Variants in CACNA1H observed in about 807,000 individuals in gnomAD.
CACNA1H encodes the protein voltage-dependent T-type calcium channel subunit alpha-1H.
In CACNA1H, 149 loss-of-function variants were observed where a neutral mutation model predicts 192.5. The ratio of observed to expected loss-of-function variants is 0.77; its 90% CI spans 0.68 to 0.89. The LOEUF (loss-of-function observed/expected upper bound fraction) is 0.89. Ranked by LOEUF, CACNA1H falls within the 40% of genes least tolerant of loss-of-function variation. The pLI, the probability that CACNA1H is intolerant of heterozygous loss-of-function variation, is 0.00. For synonymous variants in CACNA1H, 2,202 were observed against 1,475.2 expected, an observed-to-expected ratio of 1.49 and a Z score of -11.29; for missense variants, 4,257 against 3,423.5, an observed-to-expected ratio of 1.24 and a Z score of -6.08.
chr16:1,206,716 C>G, intron 12 of CACNA1H: 1 of 469,954 alleles, frequency 2.1e-6, no homozygotes, highest in Non-Finnish European at 3.8e-6. Context: ...GGCAGGTGTC[C>G]CAGGTTCCAG....
chr16:1,221,411 G>A lies in CACNA1H; in HGVS notation c.*417G>A, dbSNP rs969926064. The A allele has an allele frequency of 2.1e-4, 61 of 296,324 alleles. No homozygotes were observed. Among genetic ancestry groups the A allele is most frequent in the African/African-American group, 1.0e-3 (46 of 45,548 alleles). 18.4% of individuals were successfully genotyped at this position (296,324 alleles called of 1,614,324 possible). A position where few individuals can be genotyped will look rare whatever the true frequency, so the allele number is the denominator to read the frequency against. ...CCGGCGGCAGGTTGCAGCCACCGCG[G>A]CCCAATGTCACCTTCACTCACAGTC... is the stretch of plus-strand genomic sequence containing the variant. On this transcript the variant is annotated 3_prime_UTR_variant, in exon 35 of 35. Transcript: ENST00000348261.
rs768524941 is a variant in CACNA1H at position 1,211,161 on chromosome 16, C to A, written c.4224-7C>A. 6.2e-7 allele frequency: 1 copy of A among 1,612,456 alleles called. No homozygotes were observed. Among genetic ancestry groups the A allele is most frequent in the Non-Finnish European group, 8.5e-7 (1 of 1,179,634 alleles). The stretch of plus-strand genomic sequence containing the variant: ...ATGACTGCAGTGTATCCTTCACTCC[C>A]CTCCAGGGTCATCAGCCGGGCCCCG... On this transcript the variant is annotated splice_region_variant and splice_polypyrimidine_tract_variant and intron_variant, in intron 21 of 34. Coordinates refer to ENST00000348261, the MANE Select transcript of CACNA1H (RefSeq NM_021098.3).
intron 2 of CACNA1H, among the ~76,000 whole-genome samples, chr16:1,165,780 C>T (rs748336947): frequency 1.2e-4 from 18 of 152,212 alleles, no homozygotes; most frequent in Non-Finnish European, 1.8e-4. Context: ...GGCCACCTCA[C>T]GTTCCCCACC....
intron 31 of CACNA1H, 128 bp downstream of exon 31, chr16:1,217,138 G>A: frequency 2.6e-6 from 2 of 769,616 alleles, no homozygotes; most frequent in South Asian, 1.8e-5. Flanking sequence ...CACGCCTCCT[G>A]GGCGTCCTCA....
chr16:1,154,002 C>T lies in CACNA1H; in HGVS notation c.265C>T (p.Pro89Ser). 2 of 1,424,032 alleles carry T rather than the reference C, an allele frequency of 1.4e-6. No individual in the cohort carries two copies. The highest frequency in any genetic ancestry group is 1.4e-5 in the South Asian group (1 of 72,182). 88.2% of individuals were successfully genotyped at this position (1,424,032 alleles called of 1,614,324 possible). A position where few individuals can be genotyped will look rare whatever the true frequency, so the allele number is the denominator to read the frequency against. Residue 89 changes from proline to serine, a missense_variant, in exon 2 of 35, where the codon CCG (proline) becomes TCG (serine). Physicochemically the swap from Pro to Ser is moderately conservative, Grantham distance 74 (BLOSUM62 -1). Transcript: ENST00000348261. ...CTTCTGCCTCGGTCAGACCACGCGG[C>T]CGCGCAGCTGGTGCCTCCGGCTGGT... ...VFFCLGQTTR[P>S]RSWCLRLVCN... is the part of the protein sequence containing the mutation.
Position 1,195,997 on chromosome 16 carries a change from C to T in CACNA1H, c.617C>T (p.Pro206Leu), listed in dbSNP as rs1005279922. The change falls in exon 5 of 35, where the codon CCC becomes CTC. Residue 206 changes from proline to leucine, a missense_variant. Pro to Leu is a moderately conservative substitution (Grantham distance 98). Coordinates refer to ENST00000348261, the MANE Select transcript of CACNA1H (RefSeq NM_021098.3). Reference sequence around the variant, plus strand: ...ATCAGGACCGTGCGGGTGCTGCGGCCCCTCCGCGCCATCAACCGCGTGCCT... The same window carrying T: ...ATCAGGACCGTGCGGGTGCTGCGGCTCCTCCGCGCCATCAACCGCGTGCCT... ...SAIRTVRVLRPLRAINRVPSM... is the reference protein window; with the variant it reads ...SAIRTVRVLRLLRAINRVPSM... The T allele has an allele frequency of 1.2e-6, 2 of 1,612,964 alleles. No individual in the cohort carries two copies. Among genetic ancestry groups the T allele is most frequent in the Non-Finnish European group, 8.5e-7 (1 of 1,179,786 alleles).
chr16:1,172,468 G>A (rs1042912424), intron 2 of CACNA1H, among the ~76,000 whole-genome samples: 5 of 151,416 alleles, frequency 3.3e-5, no homozygotes, highest in Non-Finnish European at 7.4e-5. Context: ...GCCTCCGTCT[G>A]GGGTGGTCGT....
intron 25 of CACNA1H, 113 bp downstream of exon 25, chr16:1,212,251 C>T (rs1328253633): frequency 3.9e-5 from 55 of 1,414,874 alleles, no homozygotes; most frequent in Admixed American, 2.4e-4. Flanking sequence ...GCACGCCACC[C>T]GCCTTGCCTG....
intron 2 of CACNA1H, among the ~76,000 whole-genome samples, chr16:1,188,395 G>A (rs1299360777): frequency 6.6e-6 from 1 of 152,156 alleles, no homozygotes; most frequent in Non-Finnish European, 1.5e-5. Context: ...AGCACCTCAG[G>A]GCTCAGTCGG....
intron 18 of CACNA1H, 25 bp from the exon 19 acceptor site, chr16:1,210,345 C>CCCG: frequency 5.7e-6 from 6 of 1,058,304 alleles, no homozygotes; most frequent in Non-Finnish European, 8.3e-6. Context: ...CCCGCCCCAC[C>CCCG]TCTCACCCGC....
chr16:1,197,818 G>T lies in CACNA1H; in HGVS notation c.644-797G>T, dbSNP rs186943500. 2.0e-4 allele frequency among the ~76,000 whole-genome samples: 31 copies of T among 152,334 alleles called. 1 individual carries two copies. Among genetic ancestry groups the T allele is most frequent in the Admixed American group, 1.5e-3 (23 of 15,300 alleles). On this transcript the variant is annotated intron_variant, in intron 5 of 34. Transcript: ENST00000348261. ...GCCCAGGGCTTTACCTGCTGCCTTA[G>T]CCTGGCCCTTGATTAAATTTGAGGG...
At chr16:1,161,288 C>G (rs541202130) in intron 2 of CACNA1H, among the ~76,000 whole-genome samples, 1 of 152,206 alleles carries the variant, frequency 6.6e-6, no homozygotes, top group Non-Finnish European at 1.5e-5. Context: ...ACGCTGTCAA[C>G]TGAGCCGGTG....
intron 7 of CACNA1H, 33 bp downstream of exon 7, chr16:1,200,604 G>A (rs1177077276): frequency 1.9e-6 from 3 of 1,607,426 alleles, no homozygotes; most frequent in African/African-American, 2.7e-5. Context: ...GGGGACCCTG[G>A]GGCACGGCAG....
chr16:1,179,542 C>T (rs1002174125), intron 2 of CACNA1H, among the ~76,000 whole-genome samples: 6 of 152,168 alleles, frequency 3.9e-5, no homozygotes, highest in Non-Finnish European at 7.3e-5. Context: ...GATTCTCCTG[C>T]CTCAGCCTCC....
At chr16:1,153,539 C>CGGGGTG in intron 1 of CACNA1H, 69 bp downstream of exon 1, 1 of 189,800 alleles carries the variant, frequency 5.3e-6, no homozygotes, top group Non-Finnish European at 8.1e-6. Flanking sequence ...GGGAGCCCCT[C>CGGGGTG]GGGGTGGGGG....
In CACNA1H at chr16:1,212,536, C is replaced by T. The variant is rs769555195; in HGVS notation, c.4777+8C>T. 1 of 1,610,346 alleles carries T rather than the reference C, an allele frequency of 6.2e-7. No homozygotes were observed. Among genetic ancestry groups the T allele is most frequent in the Non-Finnish European group, 8.5e-7 (1 of 1,178,926 alleles). The stretch of plus-strand genomic sequence containing the variant: ...GCACTTTCCCCAGCCCAGGTACCGG[C>T]CCTGTCCCGCATGCCTCAGGCCCCG... On this transcript the variant is annotated splice_region_variant and intron_variant, in intron 26 of 34. Coordinates refer to ENST00000348261, the MANE Select transcript of CACNA1H (RefSeq NM_021098.3).
intron 11 of CACNA1H, 144 bp from the exon 12 acceptor site, chr16:1,205,960 C>G (rs940648782): frequency 1.3e-6 from 1 of 752,622 alleles, no homozygotes; most frequent in Non-Finnish European, 2.1e-6. Context: ...GTTCATGCAC[C>G]TTGATGCAGC....
rs959271264 is a variant in CACNA1H at position 1,212,223 on chromosome 16, G to A, written c.4759+85G>A. 4.0e-6 allele frequency: 6 copies of A among 1,486,034 alleles called. No individual in the cohort carries two copies. In the African/African-American group the frequency reaches 8.3e-5, roughly 21 times the overall value. 92.1% of individuals were successfully genotyped at this position (1,486,034 alleles called of 1,614,324 possible). On this transcript the variant is annotated intron_variant, in intron 25 of 34. Coordinates refer to ENST00000348261, the MANE Select transcript of CACNA1H (RefSeq NM_021098.3). ...CTCCAGCCCCTCCACTCCCGCCCCGGCCTCCCCGAATGGCTCTGCACGCCA... is the reference window on the plus strand; with the variant it reads ...CTCCAGCCCCTCCACTCCCGCCCCGACCTCCCCGAATGGCTCTGCACGCCA...
In CACNA1H at chr16:1,195,719, C is replaced by T. The variant is rs372122003; in HGVS notation, c.545+154C>T. Among the ~76,000 whole-genome samples, 14 of 152,260 alleles carry T rather than the reference C, an allele frequency of 9.2e-5. No homozygotes were observed. In the East Asian group the frequency reaches 1.5e-3, roughly 17 times the overall value. On this transcript the variant is annotated intron_variant, in intron 4 of 34. Coordinates refer to ENST00000348261, the MANE Select transcript of CACNA1H (RefSeq NM_021098.3). ...CCCTGTCTGGGACTCCGGAGACCCT[C>T]CCTCCTGGGCACAGGTGAGGGAGGT...
Sources: allele counts gnomAD v4.1 joint callset (sites outside exome capture counted in the v4.1 genomes callset), GRCh38; gene constraint gnomAD v4.1.1; transcripts MANE v1.5; gene names NCBI Gene and HGNC (gene_info 2026-07-23, HGNC 2026-07-21).